Variants in RBFOX3 observed in about 807,000 individuals in gnomAD.
The protein encoded by RBFOX3 is RNA binding fox-1 homolog 3.
In RBFOX3, 17 loss-of-function variants were observed where a neutral mutation model predicts 48.7. The ratio of observed to expected loss-of-function variants is 0.35; its 90% CI spans 0.24 to 0.52. The LOEUF (loss-of-function observed/expected upper bound fraction) is 0.52. RBFOX3 is among the 20% of genes least tolerant of loss of function. The pLI is 0.94. For missense variants in RBFOX3, 382 were observed against 497.5 expected (o/e 0.77, Z 2.21); for synonymous variants, 212 against 209.5 (o/e 1.01, Z -0.10).
intron 4 of RBFOX3, among the ~76,000 whole-genome samples, chr17:79,187,455 A>G (rs541439440): frequency 6.6e-6 from 1 of 152,170 alleles, no homozygotes; most frequent in Non-Finnish European, 1.5e-5. Context: ...CCGAGCCTTC[A>G]TCGACAAATA....
chr17:79,422,263 G>A (rs2066546472), intron 2 of RBFOX3, among the ~76,000 whole-genome samples: 1 of 152,094 alleles, frequency 6.6e-6, no homozygotes, highest in African/African-American at 2.4e-5. Flanking sequence ...GACAGCGGCA[G>A]CACAGCCTCG....
chr17:79,184,878 G>T (rs1327323883), intron 4 of RBFOX3, among the ~76,000 whole-genome samples: 1 of 152,086 alleles, frequency 6.6e-6, no homozygotes, highest in East Asian at 1.9e-4. Flanking sequence ...TTGTCCCCTT[G>T]GGGCCTTGGT....
At chr17:79,648,838 T>C in the RBFOX3 span, among the ~76,000 whole-genome samples, 2 of 152,174 alleles carry the variant, frequency 1.3e-5, no homozygotes, top group African/African-American at 4.8e-5. Flanking sequence ...GTTTCACACC[T>C]GGCCCTTAAA....
chr17:79,537,987 T>A (rs2089108799), intron 1 of RBFOX3, among the ~76,000 whole-genome samples: 1 of 152,066 alleles, frequency 6.6e-6, no homozygotes, highest in Non-Finnish European at 1.5e-5. Context: ...GTGGTGGGGT[T>A]GGGGGCAGGG....
At chr17:79,662,115 C>CA in the RBFOX3 span, among the ~76,000 whole-genome samples, 3 of 89,464 alleles carry the variant, frequency 3.4e-5, no homozygotes, top group Non-Finnish European at 7.3e-5. Context: ...AGGTAGGGAT[C>CA]AAGCTTCCTG....
intron 2 of RBFOX3, among the ~76,000 whole-genome samples, chr17:79,348,375 C>G (rs1192280459): frequency 6.6e-6 from 1 of 152,106 alleles, no homozygotes; most frequent in Non-Finnish European, 1.5e-5. Context: ...CACGCTTATT[C>G]TCCCATAGCT....
intron 4 of RBFOX3, among the ~76,000 whole-genome samples, chr17:79,173,683 T>C (rs1278257004): frequency 3.3e-5 from 5 of 152,088 alleles, no homozygotes; most frequent in African/African-American, 1.2e-4. Context: ...CACTGGGTGA[T>C]GGGGCAGGGG....
At chr17:79,260,966 T>TC (rs2065661008) in intron 3 of RBFOX3, among the ~76,000 whole-genome samples, 1 of 151,964 alleles carries the variant, frequency 6.6e-6, no homozygotes, top group African/African-American at 2.4e-5. Flanking sequence ...CTCCAGCCTC[T>TC]CCCCTACCAT....
the RBFOX3 span, among the ~76,000 whole-genome samples, chr17:79,659,603 C>T: frequency 2.0e-5 from 3 of 152,118 alleles, no homozygotes; most frequent in South Asian, 2.1e-4. Flanking sequence ...CCAGACACCA[C>T]GAAACCTCCC....
At chr17:79,557,022 T>A (rs1381137996) in intron 1 of RBFOX3, among the ~76,000 whole-genome samples, 1 of 151,770 alleles carries the variant, frequency 6.6e-6, no homozygotes, top group Non-Finnish European at 1.5e-5. Context: ...GGATGGTGGA[T>A]CATTTGAGGT....
chr17:79,343,060 C>G (rs995429878), intron 2 of RBFOX3, among the ~76,000 whole-genome samples: 6 of 151,876 alleles, frequency 4.0e-5, no homozygotes, highest in Non-Finnish European at 1.5e-5. Context: ...TTCTTTCTCC[C>G]CAGAAATCAA....
At position 79,198,578 on chromosome 17, in the gene RBFOX3, T is replaced by A. The variant is rs1350456877; in HGVS notation, c.-34+37188A>T. Among the ~76,000 whole-genome samples, 1 of 152,022 alleles carries A rather than the reference T, an allele frequency of 6.6e-6. No individual in the cohort carries two copies. Among genetic ancestry groups the A allele is most frequent in the Admixed American group, 6.6e-5 (1 of 15,260 alleles). On this transcript the variant is annotated intron_variant, in intron 4 of 14. Transcript: ENST00000693108. The surrounding 1 kb of genome is among the most constrained non-coding windows in gnomAD (Gnocchi z 8.2). ...TTGCCCATGCCACTCGTCACTCTGA[T>A]AGGACTTTTAGAGATGTGAGAAGCC...
chr17:79,620,999 CTTT>C, the RBFOX3 span, among the ~76,000 whole-genome samples: 72,236 of 135,966 alleles, frequency 0.53, 19,628 homozygotes, highest in Non-Finnish European at 0.65. Context: ...AATCCAACTT[CTTT>C]TTTTTTTTTT....
chr17:79,315,821 T>C (rs2077464877), intron 2 of RBFOX3, among the ~76,000 whole-genome samples: 1 of 152,114 alleles, frequency 6.6e-6, no homozygotes, highest in Non-Finnish European at 1.5e-5. Context: ...GACGCTTAAA[T>C]GGCGCGCCGA....
chr17:79,259,909 C>T (rs2065474988), intron 3 of RBFOX3, among the ~76,000 whole-genome samples: 1 of 152,096 alleles, frequency 6.6e-6, no homozygotes, highest in Non-Finnish European at 1.5e-5. Context: ...GAAACTGATG[C>T]TCAGATATGT....
intron 1 of RBFOX3, among the ~76,000 whole-genome samples, chr17:79,570,526 C>A (rs1237484400): frequency 1.3e-5 from 2 of 152,194 alleles, no homozygotes; most frequent in African/African-American, 4.8e-5. Context: ...TACTGACTGG[C>A]ACAGCAGCAG....
In RBFOX3 at chr17:79,597,097, C is replaced by T. The variant is rs981679876; in HGVS notation, c.-320+13729G>A. ...GAAAGGACTTCACAAGGGAGACCTC[C>T]GTGGCTGCCACACACATTCACCCCA... On this transcript the variant is annotated intron_variant, in intron 1 of 14. Coordinates refer to ENST00000693108, the MANE Select transcript of RBFOX3 (RefSeq NM_001350451.2). Among the ~76,000 whole-genome samples, 1,492 of 152,256 alleles carry T rather than the reference C, an allele frequency of 9.8e-3. 19 individuals carry two copies. Among genetic ancestry groups the T allele is most frequent in the Middle Eastern group, 0.034 (10 of 294 alleles).
chr17:79,405,343 G>A (rs756620318), intron 2 of RBFOX3, among the ~76,000 whole-genome samples: 13 of 152,252 alleles, frequency 8.5e-5, no homozygotes, highest in Middle Eastern at 3.4e-3. Context: ...AGCTGCAGAC[G>A]TGTGTGCACT....
chr17:79,288,953 G>A (rs2072636422), intron 3 of RBFOX3, among the ~76,000 whole-genome samples: 2 of 152,304 alleles, frequency 1.3e-5, no homozygotes, highest in South Asian at 2.1e-4. Context: ...TAGCATGGAT[G>A]GAATACAGTA....
Sources: gnomAD v4.1 joint callset for allele counts (sites outside exome capture counted in the v4.1 genomes callset) on GRCh38, gnomAD v4.1.1 for gene constraint, Gnocchi (gnomAD v3.1) non-coding constraint, MANE v1.5 for transcripts, NCBI Gene and HGNC (gene_info 2026-07-23, HGNC 2026-07-21) for gene names.